SGMS1: variants seen among roughly 807,000 people sequenced by gnomAD.
The protein encoded by SGMS1 is sphingomyelin synthase 1.
A neutral mutation model predicts 46.2 loss-of-function variants in SGMS1; 13 were observed. The ratio of observed to expected loss-of-function variants is 0.28; its 90% CI spans 0.18 to 0.45. The LOEUF (loss-of-function observed/expected upper bound fraction) is 0.45. Ranked by LOEUF, SGMS1 falls within the 20% of genes least tolerant of loss-of-function variation. The pLI, the probability that SGMS1 is intolerant of heterozygous loss-of-function variation, is 1.00. For missense variants in SGMS1, 324 were observed against 519.9 expected (o/e 0.62, Z 3.66); for synonymous variants, 203 against 187.8 (o/e 1.08, Z -0.66).
chr10:50,318,904 C>A (rs1244500763), intron 8 of SGMS1, among the ~76,000 whole-genome samples: 1 of 152,110 alleles, frequency 6.6e-6, no homozygotes, highest in Non-Finnish European at 1.5e-5. Context: ...AAACACTAAT[C>A]TCCCACCAGC....
chr10:50,551,765 T>A (rs1324573326), intron 2 of SGMS1, among the ~76,000 whole-genome samples: 2 of 152,106 alleles, frequency 1.3e-5, no homozygotes, highest in Non-Finnish European at 2.9e-5. Flanking sequence ...ATGTCCAAAA[T>A]GTCTTTCTGC....
chr10:50,589,267 T>C (rs1838516904), intron 2 of SGMS1, among the ~76,000 whole-genome samples: 1 of 152,106 alleles, frequency 6.6e-6, no homozygotes. Context: ...TCTCTCTCCG[T>C]GTGTGTGAGA....
intron 8 of SGMS1, among the ~76,000 whole-genome samples, chr10:50,326,815 T>C (rs752420621): frequency 1.1e-4 from 17 of 152,206 alleles, no homozygotes; most frequent in Non-Finnish European, 2.2e-4. Context: ...TTTCTCTTCC[T>C]GGCTCTGCTG....
At chr10:50,316,647 C>T (rs569796061) in intron 8 of SGMS1, among the ~76,000 whole-genome samples, 14 of 152,282 alleles carry the variant, frequency 9.2e-5, no homozygotes, top group African/African-American at 3.1e-4. Flanking sequence ...TTATTTTGTT[C>T]TGTTCCCAAA....
intron 6 of SGMS1, among the ~76,000 whole-genome samples, chr10:50,375,411 C>T (rs1366633913): frequency 1.3e-5 from 2 of 152,274 alleles, no homozygotes; most frequent in African/African-American, 4.8e-5. Context: ...AAGAGTCAGG[C>T]ATTACCTTGT....
intron 3 of SGMS1, among the ~76,000 whole-genome samples, chr10:50,511,665 C>T (rs544025865): frequency 8.1e-4 from 124 of 152,276 alleles, no homozygotes; most frequent in African/African-American, 9.6e-4. Flanking sequence ...GTGAGCCAAA[C>T]GCTACTACTA....
At chr10:50,366,986 A>G (rs190497790) in intron 6 of SGMS1, among the ~76,000 whole-genome samples, 2 of 152,324 alleles carry the variant, frequency 1.3e-5, no homozygotes, top group East Asian at 1.9e-4. Flanking sequence ...ATATGAACAG[A>G]CACTTCTCAA....
intron 3 of SGMS1, among the ~76,000 whole-genome samples, chr10:50,512,419 C>G (rs1269480476): frequency 6.6e-6 from 1 of 151,980 alleles, no homozygotes; most frequent in African/African-American, 2.4e-5. Flanking sequence ...ACCAGGAGCT[C>G]AAAAAGAAGC....
At chr10:50,500,345 G>A (rs1483650748) in intron 3 of SGMS1, among the ~76,000 whole-genome samples, 1 of 152,084 alleles carries the variant, frequency 6.6e-6, no homozygotes, top group Admixed American at 6.5e-5. Context: ...TCTGTTTATA[G>A]AAATTTACTA....
intron 1 of SGMS1, among the ~76,000 whole-genome samples, chr10:50,594,229 G>A (rs929214873): frequency 2.6e-5 from 4 of 152,164 alleles, no homozygotes; most frequent in African/African-American, 9.7e-5. Flanking sequence ...TTAGTCACAC[G>A]ACATCAGTAC....
In SGMS1 at chr10:50,610,802, C is replaced by T. The variant is rs557543622; in HGVS notation, c.-684+12905G>A. ...TTATTTGATTATTGTCGGTCTGACC[C>T]TTACCAAGAAAACTCCATACGAGCT... is the stretch of plus-strand genomic sequence containing the variant. On this transcript the variant is annotated intron_variant, in intron 1 of 10. Transcript: ENST00000361781. Among the ~76,000 whole-genome samples, 92 of 152,286 alleles carry T rather than the reference C, an allele frequency of 6.0e-4. No individual in the cohort carries two copies. In the South Asian group the frequency reaches 9.1e-3, roughly 15 times the overall value.
intron 6 of SGMS1, among the ~76,000 whole-genome samples, chr10:50,355,995 C>A (rs1026755510): frequency 5.3e-5 from 8 of 151,874 alleles, no homozygotes; most frequent in Non-Finnish European, 8.8e-5. Flanking sequence ...CCCCTCCGCT[C>A]GGCAGCTGCC....
chr10:50,566,416 A>T (rs1203284833), intron 2 of SGMS1, among the ~76,000 whole-genome samples: 1 of 152,174 alleles, frequency 6.6e-6, no homozygotes, highest in African/African-American at 2.4e-5. Flanking sequence ...ACCAGAAAAC[A>T]TATTGATTTT....
At chr10:50,349,012 G>A (rs1847961885) in intron 6 of SGMS1, among the ~76,000 whole-genome samples, 1 of 152,110 alleles carries the variant, frequency 6.6e-6, no homozygotes, top group East Asian at 1.9e-4. Context: ...CAAATGCTAG[G>A]AGCCAATTTC....
At chr10:50,595,225 G>A (rs1338979804) in intron 1 of SGMS1, among the ~76,000 whole-genome samples, 2 of 151,696 alleles carry the variant, frequency 1.3e-5, no homozygotes, top group African/African-American at 2.4e-5. Context: ...GCCCAGGCTG[G>A]AGTGCAGTAG....
intron 4 of SGMS1, among the ~76,000 whole-genome samples, chr10:50,464,626 G>A (rs1837307854): frequency 6.6e-6 from 1 of 152,196 alleles, no homozygotes; most frequent in Non-Finnish European, 1.5e-5. Context: ...TAGAGACGGG[G>A]TTTCGCCATG....
At chr10:50,450,269 A>T (rs1026532532) in intron 5 of SGMS1, among the ~76,000 whole-genome samples, 21 of 152,188 alleles carry the variant, frequency 1.4e-4, no homozygotes, top group African/African-American at 4.1e-4. Context: ...GAGAGGAGTG[A>T]GTGTGAAAGC....
intron 1 of SGMS1, among the ~76,000 whole-genome samples, chr10:50,619,138 AAAG>A (rs2131944377): frequency 6.6e-6 from 1 of 152,112 alleles, no homozygotes; most frequent in East Asian, 1.9e-4. Flanking sequence ...GTCTCAAAAA[AAAG>A]AAAAAAAAGA....
chr10:50,560,847 G>A (rs1230066708), intron 2 of SGMS1, among the ~76,000 whole-genome samples: 1 of 152,048 alleles, frequency 6.6e-6, no homozygotes, highest in African/African-American at 2.4e-5. Context: ...AGCAAAGTGA[G>A]GAAAGAACAT....
Sources: allele counts gnomAD v4.1 joint callset (sites outside exome capture counted in the v4.1 genomes callset), GRCh38; gene constraint gnomAD v4.1.1; transcripts MANE v1.5; gene names NCBI Gene and HGNC (gene_info 2026-07-23, HGNC 2026-07-21).